TMTC2: variants seen among roughly 807,000 people sequenced by gnomAD.
The protein encoded by TMTC2 is protein O-mannosyl-transferase TMTC2.
Under a neutral mutation model 82.4 loss-of-function variants are expected in TMTC2, and 43 were observed. That is an observed-to-expected ratio of 0.52 (90% CI 0.41 to 0.67). TMTC2 has a LOEUF of 0.67. Ranked by LOEUF, TMTC2 falls within the 30% of genes least tolerant of loss-of-function variation. The pLI is 0.00. For missense variants in TMTC2, 919 were observed against 1,012.4 expected, an observed-to-expected ratio of 0.91 and a Z score of 1.25; for synonymous variants, 408 against 381.9, an observed-to-expected ratio of 1.07 and a Z score of -0.80.
intron 11 of TMTC2, among the ~76,000 whole-genome samples, chr12:83,125,366 A>C (rs1214052457): frequency 1.3e-5 from 2 of 152,204 alleles, no homozygotes; most frequent in Non-Finnish European, 1.5e-5. Context: ...CTGTGTTCCT[A>C]CCTTTCAAAT....
chr12:83,077,936 G>A (rs1883343256), intron 11 of TMTC2, among the ~76,000 whole-genome samples: 1 of 139,052 alleles, frequency 7.2e-6, no homozygotes, highest in Admixed American at 7.7e-5. Flanking sequence ...AACCTAAGAT[G>A]GGTGGAAGGA....
At chr12:82,846,297 G>T (rs534029642) in intron 1 of TMTC2, among the ~76,000 whole-genome samples, 3 of 152,210 alleles carry the variant, frequency 2.0e-5, no homozygotes, top group South Asian at 4.1e-4. Context: ...GGCGGAGGTT[G>T]CAGTGAGCTG....
chr12:83,031,769 G>T (rs1043949878), intron 9 of TMTC2, among the ~76,000 whole-genome samples: 4 of 152,086 alleles, frequency 2.6e-5, no homozygotes, highest in African/African-American at 9.7e-5. Context: ...ATCAGTGACA[G>T]GCTGCAAGTG....
intron 1 of TMTC2, among the ~76,000 whole-genome samples, chr12:82,822,302 G>A (rs1869161738): frequency 6.6e-6 from 1 of 152,098 alleles, no homozygotes; most frequent in Non-Finnish European, 1.5e-5. Context: ...ATGGACTTTT[G>A]TGTAATAATG....
At chr12:82,993,762 C>G (rs561607348) in intron 8 of TMTC2, among the ~76,000 whole-genome samples, 87 of 152,164 alleles carry the variant, frequency 5.7e-4, no homozygotes, top group Non-Finnish European at 1.0e-3. Context: ...CAGCGACTCT[C>G]TGAGGCTGGC....
intron 7 of TMTC2, among the ~76,000 whole-genome samples, chr12:82,969,860 G>A (rs772610262): frequency 4.2e-5 from 6 of 142,038 alleles, no homozygotes; most frequent in Non-Finnish European, 6.2e-5. Flanking sequence ...TGAATTAGGT[G>A]AATTACAAAC....
At chr12:82,879,238 A>G (rs1173080745) in intron 2 of TMTC2, among the ~76,000 whole-genome samples, 1 of 152,148 alleles carries the variant, frequency 6.6e-6, no homozygotes, top group African/African-American at 2.4e-5. Flanking sequence ...CTTGGTGGGT[A>G]TGAAGTGGGT....
chr12:82,912,884 C>T (rs1343494978), intron 3 of TMTC2, among the ~76,000 whole-genome samples: 3 of 148,574 alleles, frequency 2.0e-5, no homozygotes, highest in African/African-American at 5.0e-5. Flanking sequence ...AGCTGCAGTA[C>T]GCTATGGTCA....
intron 9 of TMTC2, among the ~76,000 whole-genome samples, chr12:83,049,184 G>A (rs560723555): frequency 5.3e-5 from 8 of 152,046 alleles, no homozygotes; most frequent in African/African-American, 9.6e-5. Flanking sequence ...CATGATACAC[G>A]TGTGGGATAC....
intron 11 of TMTC2, among the ~76,000 whole-genome samples, chr12:83,126,062 T>C (rs1744252209): frequency 1.3e-5 from 2 of 152,098 alleles, no homozygotes; most frequent in Non-Finnish European, 2.9e-5. Flanking sequence ...GTAATTAATG[T>C]GAAGGAACAA....
chr12:83,107,188 A>G lies in TMTC2; in HGVS notation c.2332-25022A>G, dbSNP rs527418843. Among the ~76,000 whole-genome samples the G allele has an allele frequency of 9.8e-4, 149 of 152,344 alleles. No individual in the cohort carries two copies. In the Middle Eastern group the frequency reaches 0.01, roughly 10 times the overall value. On this transcript the variant is annotated intron_variant, in intron 11 of 11. Transcript: ENST00000321196. The stretch of plus-strand genomic sequence containing the variant: ...AAGCTCAGTGGAAGTATGATCTTAC[A>G]ATAGAATATTTGTAAATGTAAATCT...
At chr12:83,089,236 G>A (rs755999977) in intron 11 of TMTC2, among the ~76,000 whole-genome samples, 4 of 152,114 alleles carry the variant, frequency 2.6e-5, no homozygotes, top group East Asian at 1.9e-4. Flanking sequence ...TGGAGCATCC[G>A]TTCGTTTGTA....
chr12:82,820,363 T>A (rs1226534424), intron 1 of TMTC2, among the ~76,000 whole-genome samples: 2 of 151,958 alleles, frequency 1.3e-5, no homozygotes, highest in African/African-American at 4.8e-5. Context: ...TTTCTTTCCT[T>A]CTTTTTCTTT....
At chr12:83,110,290 C>T (rs563125020) in intron 11 of TMTC2, among the ~76,000 whole-genome samples, 39 of 152,280 alleles carry the variant, frequency 2.6e-4, no homozygotes, top group South Asian at 1.0e-3. Flanking sequence ...GTTACACTTC[C>T]TCTCTTTCTG....
At chr12:83,030,909 C>T in intron 9 of TMTC2, 30 bp downstream of exon 9, 1 of 1,500,740 alleles carries the variant, frequency 6.7e-7, no homozygotes, top group Non-Finnish European at 9.3e-7. Context: ...TTTTCCATGT[C>T]CCCCACATTT....
intron 8 of TMTC2, among the ~76,000 whole-genome samples, chr12:83,008,293 TCTC>T (rs1271728712): frequency 6.6e-6 from 1 of 152,224 alleles, no homozygotes; most frequent in Non-Finnish European, 1.5e-5. Flanking sequence ...CTATTTTTCT[TCTC>T]CTTCTGATAT....
At chr12:83,122,657 A>G (rs1376690129) in intron 11 of TMTC2, among the ~76,000 whole-genome samples, 1 of 152,130 alleles carries the variant, frequency 6.6e-6, no homozygotes, top group Non-Finnish European at 1.5e-5. Flanking sequence ...CAGTTTGGGC[A>G]CTCACAGTAT....
intron 1 of TMTC2, among the ~76,000 whole-genome samples, chr12:82,853,856 T>A (rs2137110656): frequency 6.6e-6 from 1 of 152,284 alleles, no homozygotes; most frequent in South Asian, 2.1e-4. Context: ...TCTAGGTTAA[T>A]GTCTAGTTGA....
chr12:82,988,812 A>G (rs1879282553), intron 8 of TMTC2, among the ~76,000 whole-genome samples: 1 of 148,968 alleles, frequency 6.7e-6, no homozygotes, highest in Admixed American at 6.8e-5. Context: ...TCCCCTGTAA[A>G]TGACTGGCTC....
Sources: allele counts gnomAD v4.1 joint callset (sites outside exome capture counted in the v4.1 genomes callset), GRCh38; gene constraint gnomAD v4.1.1; transcripts MANE v1.5; gene names NCBI Gene and HGNC (gene_info 2026-07-23, HGNC 2026-07-21).